UBE2U: variants seen among roughly 807,000 people sequenced by gnomAD.
UBE2U encodes ubiquitin conjugating enzyme E2 U.
A neutral mutation model predicts 41.2 loss-of-function variants in UBE2U; 39 were observed. The observed-to-expected ratio is 0.95, with a 90% confidence interval of 0.73 to 1.24. UBE2U has a LOEUF of 1.24. Ranked by LOEUF, UBE2U falls within the 50% of genes most tolerant of loss-of-function variation. UBE2U has a pLI of 0.00. For missense variants in UBE2U, 336 were observed against 363.1 expected (o/e 0.93, Z 0.61); for synonymous variants, 107 against 117.8 (o/e 0.91, Z 0.60).
chr1:64,255,858 A>G (rs1385701052), intron 8 of UBE2U, among the ~76,000 whole-genome samples: 1 of 152,104 alleles, frequency 6.6e-6, no homozygotes, highest in Non-Finnish European at 1.5e-5. Context: ...CCATGATCCT[A>G]TGTCTAGAAA....
At chr1:64,266,926 G>A in intron 9 of UBE2U, 98 bp from the exon 10 acceptor site, 1 of 1,106,070 alleles carries the variant, frequency 9.0e-7, no homozygotes, top group Non-Finnish European at 1.3e-6. Flanking sequence ...CATTCAGATG[G>A]TCTTTGGCAT....
Position 64,237,910 on chromosome 1 carries a change from TAAGAA to T in UBE2U, c.596-3737_596-3733del, listed in dbSNP as rs373737087. ...TGAGGAAAGGCAATTTCAAAAAGTT[TAAGAA>T]AAGATATGAATTATCCTTAAATAGA... is the stretch of plus-strand genomic sequence containing the variant. On this transcript the variant is annotated intron_variant, in intron 7 of 9. Coordinates refer to ENST00000371077, the MANE Select transcript of UBE2U (RefSeq NM_001366232.2). 1.6e-4 allele frequency among the ~76,000 whole-genome samples: 24 copies of T among 152,268 alleles called. No homozygotes were observed. The East Asian group carries it at 4.6e-3, about 29-fold the overall frequency.
At chr1:64,232,788 T>C (rs2100395393) in intron 7 of UBE2U, 139 bp downstream of exon 7, 2 of 486,156 alleles carry the variant, frequency 4.1e-6, no homozygotes, top group South Asian at 1.3e-4. Context: ...ATACTATTCA[T>C]TCAACAACTA....
chr1:64,239,984 C>A (rs1472199474), intron 7 of UBE2U, among the ~76,000 whole-genome samples: 1 of 152,124 alleles, frequency 6.6e-6, no homozygotes, highest in East Asian at 1.9e-4. Flanking sequence ...ACAGTCCCAC[C>A]AACAGTGTAA....
Position 64,205,683 on chromosome 1 carries a change from A to G in UBE2U, c.111A>G (p.Glu37=), listed in dbSNP as rs933452045. The G allele has an allele frequency of 1.9e-6, 3 of 1,613,354 alleles. No individual in the cohort carries two copies. Among genetic ancestry groups the G allele is most frequent in the South Asian group, 1.1e-5 (1 of 90,970 alleles). ...KPVSEDMMEW[E]VEIEGLQNSV... is the part of the protein sequence containing the mutation. ...TAAGTGAAGATATGATGGAATGGGA[A>G]GTTGAAATTGAAGGTCTACAGAATT... Residue 37 remains glutamate (E), a synonymous_variant, in exon 2 of 10, where the codon GAA becomes GAG. Coordinates refer to ENST00000371077, the MANE Select transcript of UBE2U (RefSeq NM_001366232.2).
chr1:64,224,743 G>C (rs1284704017), intron 6 of UBE2U, among the ~76,000 whole-genome samples: 1 of 150,040 alleles, frequency 6.7e-6, no homozygotes, highest in African/African-American at 2.4e-5. Context: ...AAAAAATTAA[G>C]TGAAAAGTTG....
chr1:64,214,742 A>T, intron 4 of UBE2U, 73 bp from the exon 5 acceptor site: 1 of 1,070,024 alleles, frequency 9.3e-7, no homozygotes, highest in Non-Finnish European at 1.4e-6. Context: ...TGAAAGTTGT[A>T]TATATTGGTT....
At chr1:64,262,584 G>A (rs909567628) in intron 9 of UBE2U, among the ~76,000 whole-genome samples, 3 of 152,172 alleles carry the variant, frequency 2.0e-5, no homozygotes, top group Admixed American at 2.0e-4. Flanking sequence ...GCTGAGGGCT[G>A]CACACAGTTC....
At chr1:64,206,649 TTAAAAA>T in intron 2 of UBE2U, 109 bp from the exon 3 acceptor site, 1 of 638,204 alleles carries the variant, frequency 1.6e-6, no homozygotes, top group Non-Finnish European at 2.7e-6. Flanking sequence ...ATCAATTTAC[TTAAAAA>T]TAAAACTGTG....
At chr1:64,218,514 C>T (rs1367871620) in intron 5 of UBE2U, among the ~76,000 whole-genome samples, 1 of 152,180 alleles carries the variant, frequency 6.6e-6, no homozygotes, top group Non-Finnish European at 1.5e-5. Context: ...TCCCTGAGTG[C>T]TGCCTGCCAG....
chr1:64,206,318 A>T (rs1343064425), intron 2 of UBE2U, among the ~76,000 whole-genome samples: 1 of 152,098 alleles, frequency 6.6e-6, no homozygotes, highest in Non-Finnish European at 1.5e-5. Context: ...AGGATTAGTT[A>T]ATTATGCCTG....
At chr1:64,239,137 AG>A (rs1380635127) in intron 7 of UBE2U, among the ~76,000 whole-genome samples, 14 of 28,458 alleles carry the variant, frequency 4.9e-4, no homozygotes, top group East Asian at 1.8e-3. Flanking sequence ...AAGAAGAAGA[AG>A]AAGAAGAAGA....
At chr1:64,239,324 T>A (rs1281331303) in intron 7 of UBE2U, among the ~76,000 whole-genome samples, 1 of 151,760 alleles carries the variant, frequency 6.6e-6, no homozygotes, top group Non-Finnish European at 1.5e-5. Flanking sequence ...TCTGGCTTAA[T>A]AATATTTCAT....
At chr1:64,209,933 AT>A (rs1388550724) in intron 3 of UBE2U, among the ~76,000 whole-genome samples, 1 of 152,104 alleles carries the variant, frequency 6.6e-6, no homozygotes, top group Non-Finnish European at 1.5e-5. Flanking sequence ...GTTGATTCTT[AT>A]TTTGTGACTC....
chr1:64,221,930 C>CA (rs1652502834), intron 6 of UBE2U, among the ~76,000 whole-genome samples: 1 of 151,496 alleles, frequency 6.6e-6, no homozygotes, highest in South Asian at 2.1e-4. Context: ...CTAAAAAATA[C>CA]AAAAAAATTA....
chr1:64,203,897 A>T lies in UBE2U; in HGVS notation c.-154A>T. On this transcript the variant is annotated 5_prime_UTR_variant, in exon 1 of 10. Coordinates refer to ENST00000371077, the MANE Select transcript of UBE2U (RefSeq NM_001366232.2). ...AGTCATTGTTATATCCCAACTTTAGAAGCCGCTTATCTTGGTACCGTTCTG... is the reference window on the plus strand; with the variant it reads ...AGTCATTGTTATATCCCAACTTTAGTAGCCGCTTATCTTGGTACCGTTCTG... 2.0e-6 allele frequency: 1 copy of T among 507,010 alleles called. No individual in the cohort carries two copies. The highest frequency in any genetic ancestry group is 5.2e-5 in the South Asian group (1 of 19,120). The allele number at this position is 507,010 out of a possible 1,614,324, so 31.4% of individuals were successfully genotyped here.
At chr1:64,233,284 G>A (rs1354908067) in intron 7 of UBE2U, among the ~76,000 whole-genome samples, 3 of 152,048 alleles carry the variant, frequency 2.0e-5, no homozygotes, top group African/African-American at 7.2e-5. Context: ...TGGGATTACA[G>A]GCGTGAGCCA....
Position 64,205,852 on chromosome 1 carries a change from A to G in UBE2U, c.148+132A>G, listed in dbSNP as rs554963713. The G allele has an allele frequency of 6.9e-6, 4 of 583,832 alleles. No homozygotes were observed. In the South Asian group the frequency reaches 1.3e-4, roughly 19 times the overall value. The allele number at this position is 583,832 out of a possible 1,614,324, so 36.2% of individuals were successfully genotyped here. On this transcript the variant is annotated intron_variant, in intron 2 of 9. Coordinates refer to ENST00000371077, the MANE Select transcript of UBE2U (RefSeq NM_001366232.2). Reference sequence around the variant, plus strand: ...TTCTTCTTCATATGCATAAGTTTGCATTATACCAGTTGTCTAAAATTCTAA... The same window carrying G: ...TTCTTCTTCATATGCATAAGTTTGCGTTATACCAGTTGTCTAAAATTCTAA...
intron 6 of UBE2U, among the ~76,000 whole-genome samples, chr1:64,221,150 C>T (rs186157206): frequency 6.6e-6 from 1 of 152,224 alleles, no homozygotes; most frequent in South Asian, 2.1e-4. Flanking sequence ...TTGCTCTTGT[C>T]GCCCAGGCTG....
Sources: allele counts gnomAD v4.1 joint callset (sites outside exome capture counted in the v4.1 genomes callset), GRCh38; gene constraint gnomAD v4.1.1; transcripts MANE v1.5; gene names NCBI Gene and HGNC (gene_info 2026-07-23, HGNC 2026-07-21).